The following GAS2L2 variants were observed in gnomAD, a reference collection of about 807,000 sequenced individuals.
GAS2L2 encodes GAS2-like protein 2.
GAS2L2 carries 21 observed loss-of-function variants against 35.2 expected under a neutral mutation model. That is an observed-to-expected ratio of 0.60 (90% CI 0.42 to 0.86). GAS2L2 has a LOEUF of 0.86. GAS2L2 is among the 40% of genes least tolerant of loss of function. GAS2L2 has a pLI of 0.00. For missense variants in GAS2L2, 1,169 were observed against 1,144.4 expected (o/e 1.02, Z -0.31); for synonymous variants, 490 against 473.2 (o/e 1.04, Z -0.46).
At chr17:35,747,687 G>A (rs1417242065) in intron 4 of GAS2L2, among the ~76,000 whole-genome samples, 162 bp downstream of exon 4, 1 of 152,058 alleles carries the variant, frequency 6.6e-6, no homozygotes, top group East Asian at 1.9e-4. Context: ...ACTGTACTGT[G>A]CCCAACTACT....
At chr17:35,752,426 A>T (rs782560664) in intron 1 of GAS2L2, 40 bp downstream of exon 1, 1 of 1,529,010 alleles carries the variant, frequency 6.5e-7, no homozygotes, top group Non-Finnish European at 8.8e-7. Context: ...ACCCCCCAAG[A>T]TAAGCATCTG....
Position 35,744,713 on chromosome 17 carries a change from T to G in GAS2L2, c.*141A>C. 1.5e-6 allele frequency: 1 copy of G among 658,060 alleles called. No individual in the cohort carries two copies. Among genetic ancestry groups the G allele is most frequent in the Non-Finnish European group, 2.6e-6 (1 of 387,550 alleles). 40.8% of individuals were successfully genotyped at this position (658,060 alleles called of 1,614,324 possible). A position where few individuals can be genotyped will look rare whatever the true frequency, so the allele number is the denominator to read the frequency against. ...CCTTTGCTCAGATGAGCAGATGGAG[T>G]CTATATTTGTCTTCTGACCCACTCC... On this transcript the variant is annotated 3_prime_UTR_variant, in exon 6 of 6. Coordinates refer to ENST00000604641, the MANE Select transcript of GAS2L2 (RefSeq NM_139285.4).
At position 35,746,201 on chromosome 17, in the gene GAS2L2, G is replaced by T. The variant is rs111357398; in HGVS notation, c.1296C>A (p.Ala432=). The stretch of plus-strand genomic sequence containing the variant: ...GGAGTCTTTGTGGGGTGGGGTTCCC[G>T]GCGTCGGTTCCCCAGCTGTCTGTTT... ...HEETDSWGTD[A]GNPTPQRLRA... The change falls in exon 6 of 6, where the codon GCC becomes GCA. Residue 432 remains alanine (A), a synonymous_variant. Coordinates refer to ENST00000604641, the MANE Select transcript of GAS2L2 (RefSeq NM_139285.4). The T allele has an allele frequency of 6.7e-7, 1 of 1,481,518 alleles. No homozygotes were observed. Among genetic ancestry groups the T allele is most frequent in the East Asian group, 2.3e-5 (1 of 43,402 alleles). 91.8% of individuals were successfully genotyped at this position (1,481,518 alleles called of 1,614,324 possible).
Position 35,752,882 on chromosome 17 carries a change from C to A in GAS2L2, c.-32G>T. On this transcript the variant is annotated 5_prime_UTR_variant, in exon 1 of 6. Coordinates refer to ENST00000604641, the MANE Select transcript of GAS2L2 (RefSeq NM_139285.4). Reference sequence around the variant, plus strand: ...ACCCCAGCAGGGCAGGAGGTGGGCACCTCCCCTCTCCCACTGCCGCCTCTT... The same window carrying A: ...ACCCCAGCAGGGCAGGAGGTGGGCAACTCCCCTCTCCCACTGCCGCCTCTT... 6.5e-7 allele frequency: 1 copy of A among 1,547,798 alleles called. No homozygotes were observed. The highest frequency in any genetic ancestry group is 1.4e-5 in the African/African-American group (1 of 73,626).
Position 35,750,163 on chromosome 17 carries a change from G to A in GAS2L2, c.541C>T (p.Arg181Trp), listed in dbSNP as rs2085694427. Residue 181 changes from arginine (R) to tryptophan (W), a missense_variant, in exon 2 of 6, where the codon CGG becomes TGG. By Grantham distance (101) the Arg-to-Trp change is moderately radical (BLOSUM62 -3). Around this residue, in one of 3 missense-constraint regions of GAS2L2, gnomAD observed 1,035 missense variants for 976.5 expected, o/e 1.06. Coordinates refer to ENST00000604641, the MANE Select transcript of GAS2L2 (RefSeq NM_139285.4). ...TCGGGCGGGGGCAGGGCCAGCTCCC[G>A]CCGCACCTCCTCCTCGATCTCCTCC... is the stretch of plus-strand genomic sequence containing the variant. Reference protein sequence around the residue: ...LEEEIEEEVRRELALPPPDPS... With the variant: ...LEEEIEEEVRWELALPPPDPS... 1.2e-6 allele frequency: 2 copies of A among 1,611,182 alleles called. No individual in the cohort carries two copies. The highest frequency in any genetic ancestry group is 1.7e-6 in the Non-Finnish European group (2 of 1,178,690).
rs151160231 is a variant in GAS2L2, at chr17:35,750,742, C to T, written c.386-424G>A. ...CCTCTCTCCTCCTATCTCCACCAGG[C>T]ATCTCAAACTCAGCTCCCACCCAGG... On this transcript the variant is annotated intron_variant, in intron 1 of 5. Transcript: ENST00000604641. Among the ~76,000 whole-genome samples, 1,131 of 152,262 alleles carry T rather than the reference C, an allele frequency of 7.4e-3. 19 individuals carry two copies. Among genetic ancestry groups the T allele is most frequent in the African/African-American group, 0.025 (1,057 of 41,528 alleles).
In GAS2L2 at chr17:35,752,820, G is replaced by A. The variant is rs996362269; in HGVS notation, c.31C>T (p.Pro11Ser). The A allele has an allele frequency of 8.1e-6, 13 of 1,602,010 alleles. No homozygotes were observed. The highest frequency in any genetic ancestry group is 1.1e-5 in the Non-Finnish European group (13 of 1,171,356). MSQPAGGRRK[P>S]RTLGPPVCSI... Reference sequence around the variant, plus strand: ...CACACAGGCGGCCCTAGGGTCCTGGGCTTCCTCCTGCCTCCCGCAGGCTGG... The same window carrying A: ...CACACAGGCGGCCCTAGGGTCCTGGACTTCCTCCTGCCTCCCGCAGGCTGG... Residue 11 changes from proline (P) to serine (S), a missense_variant, in exon 1 of 6, where the codon CCC becomes TCC. Pro to Ser is a moderately conservative substitution (Grantham distance 74). Coordinates refer to ENST00000604641, the MANE Select transcript of GAS2L2 (RefSeq NM_139285.4).
intron 5 of GAS2L2, among the ~76,000 whole-genome samples, 181 bp from the exon 6 acceptor site, chr17:35,746,592 A>ATGGCAGTC (rs1461207233): frequency 1.2e-4 from 18 of 152,178 alleles, no homozygotes; most frequent in African/African-American, 4.1e-4. Context: ...AATCCTCCTT[A>ATGGCAGTC]TGGCAGTCAC....
chr17:35,753,026 T>C lies in GAS2L2; in HGVS notation c.-176A>G. On this transcript the variant is annotated 5_prime_UTR_variant, in exon 1 of 6. Transcript: ENST00000604641. ...TGCCACTGGCTTCAGCTGCCAGGCCTGGCCCAGCCCCTGCCCCCCCACATT... is the reference window on the plus strand; with the variant it reads ...TGCCACTGGCTTCAGCTGCCAGGCCCGGCCCAGCCCCTGCCCCCCCACATT... 1.5e-6 allele frequency: 1 copy of C among 674,680 alleles called. No homozygotes were observed. 41.8% of individuals were successfully genotyped at this position (674,680 alleles called of 1,614,324 possible).
At chr17:35,747,670 A>G (rs2085677442) in intron 4 of GAS2L2, among the ~76,000 whole-genome samples, 179 bp downstream of exon 4, 1 of 152,070 alleles carries the variant, frequency 6.6e-6, no homozygotes, top group Non-Finnish European at 1.5e-5. Flanking sequence ...TTGTGGCGAC[A>G]TTTAGTACTG....
Position 35,747,829 on chromosome 17 carries a change from AG to A in GAS2L2, c.832+19del. 6.3e-7 allele frequency: 1 copy of A among 1,599,994 alleles called. No individual in the cohort carries two copies. The highest frequency in any genetic ancestry group is 1.3e-5 in the African/African-American group (1 of 74,676). ...CCTCTTCAACCAACCCCACAGGGAG[AG>A]GGCCCTCAGGGGACTCACAGAGGGA... is the stretch of plus-strand genomic sequence containing the variant. On this transcript the variant is annotated intron_variant, in intron 4 of 5. Transcript: ENST00000604641.
Position 35,753,046 on chromosome 17 carries a change from C to A in GAS2L2, c.-196G>T, listed in dbSNP as rs9914929. Reference sequence around the variant, plus strand: ...AGGCCTGGCCCAGCCCCTGCCCCCCCACATTCCTCAGTCCTTGCCAGAGCT... The same window carrying A: ...AGGCCTGGCCCAGCCCCTGCCCCCCAACATTCCTCAGTCCTTGCCAGAGCT... On this transcript the variant is annotated 5_prime_UTR_variant, in exon 1 of 6. Transcript: ENST00000604641. Among the ~76,000 whole-genome samples the A allele has an allele frequency of 0.16, 24,233 of 152,226 alleles. 4,023 individuals carry two copies. The highest frequency in any genetic ancestry group is 0.43 in the African/African-American group (17,675 of 41,490).
Position 35,744,796 on chromosome 17 carries a change from T to A in GAS2L2, c.*58A>T. The A allele has an allele frequency of 7.7e-7, 1 of 1,295,054 alleles. No individual in the cohort carries two copies. Among genetic ancestry groups the A allele is most frequent in the South Asian group, 1.4e-5 (1 of 70,658 alleles). The allele number at this position is 1,295,054 out of a possible 1,614,324, so 80.2% of individuals were successfully genotyped here. On this transcript the variant is annotated 3_prime_UTR_variant, in exon 6 of 6. Coordinates refer to ENST00000604641, the MANE Select transcript of GAS2L2 (RefSeq NM_139285.4). The stretch of plus-strand genomic sequence containing the variant: ...TCCCTTCTGTTCCCGCAGCTGTGAA[T>A]CCAGTGTATACATGGCCATCCTTTT...
chr17:35,745,879 C>T lies in GAS2L2; in HGVS notation c.1618G>A (p.Ala540Thr), dbSNP rs12602590. Residue 540 changes from alanine to threonine, a missense_variant, in exon 6 of 6, where the codon GCC (alanine) becomes ACC (threonine). Transcript: ENST00000604641. ...ELGRDPIPLR[A>T]VTVDLAGSTH... ...GACCCAGCCAGGTCCACAGTGACGGCCCTTAGTGGGATGGGGTCTCTCCCA... is the reference window on the plus strand; with the variant it reads ...GACCCAGCCAGGTCCACAGTGACGGTCCTTAGTGGGATGGGGTCTCTCCCA... 72,821 of 1,613,522 alleles carry T rather than the reference C, an allele frequency of 0.045. 3,119 individuals are homozygous for T. The highest frequency in any genetic ancestry group is 0.19 in the East Asian group (8,304 of 44,870).
intron 1 of GAS2L2, 106 bp from the exon 2 acceptor site, chr17:35,750,424 G>C: frequency 2.8e-6 from 4 of 1,450,458 alleles, no homozygotes; most frequent in Non-Finnish European, 1.9e-6. Flanking sequence ...GGTCATCCCC[G>C]GTCTGGGGCA....
Position 35,745,959 on chromosome 17 carries a change from G to C in GAS2L2, c.1538C>G (p.Pro513Arg), listed in dbSNP as rs1412217590. The change falls in exon 6 of 6, where the codon CCA becomes CGA. Residue 513 changes from proline to arginine, a missense_variant. Transcript: ENST00000604641. The part of the protein sequence containing the change: ...IPIRLPPARP[P>R]TPGRSFPGAT... ...ACCAGGAAAGCTCCTTCCTGGTGTT[G>C]GGGGGCGAGCAGGGGGCAGCCGGAT... 1 of 1,605,616 alleles carries C rather than the reference G, an allele frequency of 6.2e-7. No individual in the cohort carries two copies. Among genetic ancestry groups the C allele is most frequent in the Non-Finnish European group, 8.5e-7 (1 of 1,174,198 alleles).
At chr17:35,752,008 T>C (rs1427529918) in intron 1 of GAS2L2, among the ~76,000 whole-genome samples, 7 of 152,046 alleles carry the variant, frequency 4.6e-5, no homozygotes, top group African/African-American at 9.7e-5. Flanking sequence ...TTTTGTATTT[T>C]TAGTAGAGAC....
chr17:35,751,349 TC>T (rs1473818257), intron 1 of GAS2L2, among the ~76,000 whole-genome samples: 1 of 152,000 alleles, frequency 6.6e-6, no homozygotes, highest in Non-Finnish European at 1.5e-5. Context: ...AGAATTCCCT[TC>T]CCATAAACTT....
Position 35,745,505 on chromosome 17 carries a change from G to T in GAS2L2, c.1992C>A (p.Ser664=). The T allele has an allele frequency of 6.2e-7, 1 of 1,608,188 alleles. No individual in the cohort carries two copies. Among genetic ancestry groups the T allele is most frequent in the Non-Finnish European group, 8.5e-7 (1 of 1,176,038 alleles). The part of the protein sequence containing the change: ...AIQELAQGSP[S]LLKVDLEAWK... The stretch of plus-strand genomic sequence containing the variant: ...AGGCTTCCAGGTCCACTTTAAGGAG[G>T]GATGGGGACCCCTGAGCCAGTTCTT... Residue 664 remains serine (S), a synonymous_variant, in exon 6 of 6, where the codon TCC becomes TCA. Transcript: ENST00000604641.
Sources: gnomAD v4.1 joint callset for allele counts (sites outside exome capture counted in the v4.1 genomes callset) on GRCh38, gnomAD v4.1.1 for gene constraint, gnomAD v4.1.1 regional missense constraint, MANE v1.5 for transcripts, NCBI Gene and HGNC (gene_info 2026-07-23, HGNC 2026-07-21) for gene names.